The following DNM3 variants were observed in gnomAD, a reference collection of about 807,000 sequenced individuals.
DNM3 encodes the protein dynamin 3.
A neutral mutation model predicts 101.6 loss-of-function variants in DNM3; 47 were observed. The ratio of observed to expected loss-of-function variants is 0.46; its 90% confidence interval spans 0.37 to 0.59. DNM3 has a LOEUF of 0.59. Among genes scored for constraint, DNM3 ranks in the 20% least tolerant of loss-of-function variants. The pLI is 0.00. For synonymous variants in DNM3, 385 were observed against 387.9 expected, an observed-to-expected ratio of 0.99 and a Z score of 0.09; for missense variants, 849 against 1,085.7, an observed-to-expected ratio of 0.78 and a Z score of 3.06.
At chr1:171,895,289 C>T (rs1420113386) in intron 1 of DNM3, among the ~76,000 whole-genome samples, 1 of 152,196 alleles carries the variant, frequency 6.6e-6, no homozygotes, top group African/African-American at 2.4e-5. Context: ...CACATTCTCT[C>T]CAGCATCTGT....
chr1:172,137,316 C>A (rs2057293536), intron 14 of DNM3: 1 of 152,122 alleles, frequency 6.6e-6, no homozygotes, highest in South Asian at 2.1e-4. Flanking sequence ...AGTAATGGGA[C>A]TTTTATTTAA....
intron 1 of DNM3, among the ~76,000 whole-genome samples, chr1:171,879,180 G>T (rs1204424889): frequency 6.6e-6 from 1 of 152,108 alleles, no homozygotes. Flanking sequence ...CCATATGAAA[G>T]GTGCTGTTTT....
chr1:172,200,625 T>C (rs897872243), intron 14 of DNM3, among the ~76,000 whole-genome samples: 9 of 152,194 alleles, frequency 5.9e-5, no homozygotes, highest in Non-Finnish European at 1.3e-4. Context: ...AATTTATTTT[T>C]TTCTGATTGT....
At chr1:172,043,507 G>A (rs2049545793) in intron 8 of DNM3, among the ~76,000 whole-genome samples, 1 of 152,100 alleles carries the variant, frequency 6.6e-6, no homozygotes, top group South Asian at 2.1e-4. Context: ...TTCAGCAAAG[G>A]GTACTATGGA....
At chr1:172,149,602 C>T (rs544626957) in intron 14 of DNM3, among the ~76,000 whole-genome samples, 6 of 152,192 alleles carry the variant, frequency 3.9e-5, no homozygotes, top group Non-Finnish European at 8.8e-5. Flanking sequence ...TATGAGCTCC[C>T]GTTGAATTCC....
At chr1:172,317,658 C>G in intron 16 of DNM3, among the ~76,000 whole-genome samples, 1 of 152,120 alleles carries the variant, frequency 6.6e-6, no homozygotes, top group Non-Finnish European at 1.5e-5. Flanking sequence ...ATAAATTTCT[C>G]GACACATACA....
Position 171,894,625 on chromosome 1 carries a change from G to A in DNM3, c.162-27123G>A, listed in dbSNP as rs542241202. ...TTATGCTTAAAGTTCTAGGGTACAT[G>A]TGCACAATGTGCAGGTTTGTTACAT... On this transcript the variant is annotated intron_variant, in intron 1 of 20. Coordinates refer to ENST00000627582, the MANE Select transcript of DNM3 (RefSeq NM_015569.5). 2.0e-5 allele frequency among the ~76,000 whole-genome samples: 3 copies of A among 152,190 alleles called. No homozygotes were observed. The South Asian group carries it at 6.2e-4, about 32-fold the overall frequency.
chr1:172,258,698 C>A (rs2062521000), intron 15 of DNM3, among the ~76,000 whole-genome samples: 1 of 151,910 alleles, frequency 6.6e-6, no homozygotes, highest in East Asian at 1.9e-4. Flanking sequence ...AAAAATGCAA[C>A]TTTTCATTTG....
At chr1:172,364,048 A>G (rs115032517) in intron 17 of DNM3, among the ~76,000 whole-genome samples, 167 of 152,050 alleles carry the variant, frequency 1.1e-3, no homozygotes, top group African/African-American at 4.0e-3. Context: ...ATTACATGCT[A>G]TCTTTATGAC....
intron 14 of DNM3, among the ~76,000 whole-genome samples, chr1:172,236,923 CCTTCCT>C (rs974158990): frequency 6.6e-6 from 1 of 152,048 alleles, no homozygotes; most frequent in South Asian, 2.1e-4. Context: ...TACAGTTCTC[CCTTCCT>C]CTTCCTCTTC....
chr1:172,175,667 G>A (rs2059130624), intron 14 of DNM3, among the ~76,000 whole-genome samples: 1 of 151,696 alleles, frequency 6.6e-6, no homozygotes, highest in African/African-American at 2.4e-5. Context: ...GAAGGAGATG[G>A]GAGCTAAGGT....
chr1:172,038,593 A>G, intron 7 of DNM3, 132 bp downstream of exon 7: 1 of 1,176,104 alleles, frequency 8.5e-7, no homozygotes, highest in Non-Finnish European at 1.2e-6. Flanking sequence ...ATGATACAAG[A>G]TAACTCTTGA....
intron 11 of DNM3, among the ~76,000 whole-genome samples, chr1:172,076,586 G>A (rs187547706): frequency 1.5e-3 from 225 of 152,248 alleles, no homozygotes; most frequent in African/African-American, 4.7e-3. Flanking sequence ...TGTGGTTTAC[G>A]TCATTGATTC....
chr1:172,068,685 G>C (rs2051901153), intron 10 of DNM3, 134 bp from the exon 11 acceptor site: 1 of 703,342 alleles, frequency 1.4e-6, no homozygotes, highest in African/African-American at 1.8e-5. Context: ...CCTTCTTTAG[G>C]AGTTGATGAT....
intron 14 of DNM3, among the ~76,000 whole-genome samples, chr1:172,166,271 C>T (rs2058740356): frequency 6.6e-6 from 1 of 152,214 alleles, no homozygotes; most frequent in East Asian, 1.9e-4. Context: ...ATAATTATAG[C>T]TGATACCCTC....
chr1:171,877,844 C>T (rs965887758), intron 1 of DNM3, among the ~76,000 whole-genome samples: 2 of 152,160 alleles, frequency 1.3e-5, no homozygotes, highest in East Asian at 1.9e-4. Flanking sequence ...TGTGAATTGC[C>T]TCATTCATAT....
At chr1:172,399,912 T>A (rs1292247128) in intron 20 of DNM3, 1 of 151,560 alleles carries the variant, frequency 6.6e-6, no homozygotes, top group Admixed American at 6.6e-5. Flanking sequence ...TGCTCTTTTT[T>A]TTTGCTGTTG....
intron 14 of DNM3, among the ~76,000 whole-genome samples, chr1:172,195,348 A>G (rs2059908393): frequency 6.6e-6 from 1 of 151,956 alleles, no homozygotes; most frequent in Admixed American, 6.6e-5. Context: ...ATTTCTACAT[A>G]CACAATTATG....
chr1:172,297,265 A>G (rs1052130977), intron 15 of DNM3, among the ~76,000 whole-genome samples: 5 of 151,590 alleles, frequency 3.3e-5, no homozygotes, highest in African/African-American at 1.2e-4. Context: ...AGGTATTGTT[A>G]ATTTATTCTA....
Sources: gnomAD v4.1 joint callset for allele counts (sites outside exome capture counted in the v4.1 genomes callset) on GRCh38, gnomAD v4.1.1 for gene constraint, MANE v1.5 for transcripts, NCBI Gene and HGNC (gene_info 2026-07-23, HGNC 2026-07-21) for gene names.